The following THAP9 variants were observed in gnomAD, a reference collection of about 807,000 sequenced individuals.
THAP9 encodes the protein THAP domain containing 9.
In THAP9, 20 loss-of-function variants were observed where a neutral mutation model predicts 35.7. That is an observed-to-expected ratio of 0.56 (90% CI 0.39 to 0.81). The LOEUF (loss-of-function observed/expected upper bound fraction) is 0.81, where lower values mean the gene tolerates loss of function less well. THAP9 is among the 40% of genes least tolerant of loss of function. The pLI is 0.00. For missense variants in THAP9, 870 were observed against 1,047.4 expected, an observed-to-expected ratio of 0.83 and a Z score of 2.34; for synonymous variants, 335 against 373.7, an observed-to-expected ratio of 0.90 and a Z score of 1.19.
intron 1 of THAP9, among the ~76,000 whole-genome samples, chr4:82,904,052 C>A (rs1720537196): frequency 7.7e-6 from 1 of 130,492 alleles, no homozygotes; most frequent in Non-Finnish European, 1.6e-5. Flanking sequence ...GGGAATTAGG[C>A]TCCCCCTTTT....
Position 82,919,828 on chromosome 4 carries a change from AC to A in THAP9, c.*906del, listed in dbSNP as rs1254842880. 6.6e-6 allele frequency: 1 copy of A among 152,250 alleles called. No individual in the cohort carries two copies. Among genetic ancestry groups the A allele is most frequent in the East Asian group, 1.9e-4 (1 of 5,208 alleles). The allele number at this position is 152,250 out of a possible 1,614,324, so 9.4% of individuals were successfully genotyped here. A position where few individuals can be genotyped will look rare whatever the true frequency, so the allele number is the denominator to read the frequency against. On this transcript the variant is annotated 3_prime_UTR_variant, in exon 5 of 5. Transcript: ENST00000302236. The stretch of plus-strand genomic sequence containing the variant: ...GATAGAAGAAACAAGCACATTATTC[AC>A]CTGTGTTGTAAAACATCTACTCTTT...
At position 82,905,458 on chromosome 4, in the gene THAP9, C is replaced by A. The variant is rs562736946; in HGVS notation, c.276+527C>A. Among the ~76,000 whole-genome samples, 3 of 152,288 alleles carry A rather than the reference C, an allele frequency of 2.0e-5. No individual in the cohort carries two copies. The South Asian group carries it at 6.2e-4, about 32-fold the overall frequency. ...TTACCCCTTAACCACAACTCTGACA[C>A]ATGGGCTTTCACTTTCTGCACAGTC... is the stretch of plus-strand genomic sequence containing the variant. On this transcript the variant is annotated intron_variant, in intron 2 of 4. Transcript: ENST00000302236.
Position 82,913,740 on chromosome 4 carries a change from T to A in THAP9, c.732-3204T>A, listed in dbSNP as rs190808628. Among the ~76,000 whole-genome samples the A allele has an allele frequency of 1.3e-3, 204 of 152,070 alleles. 5 individuals carry two copies. The East Asian group carries it at 0.033, about 25-fold the overall frequency. Reference sequence around the variant, plus strand: ...GTATAAGTTCTCATCTTTTTTTTTTTATTTTTTGAGACAGAGTTTCGCTCT... The same window carrying A: ...GTATAAGTTCTCATCTTTTTTTTTTAATTTTTTGAGACAGAGTTTCGCTCT... On this transcript the variant is annotated intron_variant, in intron 4 of 4. Transcript: ENST00000302236.
intron 4 of THAP9, among the ~76,000 whole-genome samples, chr4:82,908,815 C>T (rs1339603498): frequency 6.6e-6 from 1 of 152,134 alleles, no homozygotes; most frequent in Non-Finnish European, 1.5e-5. Context: ...AGGCTGATCT[C>T]GAACCCCTGG....
At chr4:82,910,775 G>A (rs1399309042) in intron 4 of THAP9, 1 of 453,958 alleles carries the variant, frequency 2.2e-6, no homozygotes, top group Non-Finnish European at 4.4e-6. Context: ...TTCAAGGAGG[G>A]AGTAGTCCAC....
At chr4:82,902,855 A>G (rs977823163) in intron 1 of THAP9, among the ~76,000 whole-genome samples, 1 of 152,222 alleles carries the variant, frequency 6.6e-6, no homozygotes, top group Non-Finnish European at 1.5e-5. Context: ...TTTTGAATAC[A>G]TTTGTAGCCT....
chr4:82,911,696 A>C (rs1248873866), intron 4 of THAP9, among the ~76,000 whole-genome samples: 3 of 152,180 alleles, frequency 2.0e-5, no homozygotes, highest in African/African-American at 7.2e-5. Flanking sequence ...AACTACAGAC[A>C]TGCACCACCA....
In THAP9 at chr4:82,917,171, A is replaced by G. The variant is rs1442093800; in HGVS notation, c.959A>G (p.Glu320Gly). 16 of 1,613,778 alleles carry G rather than the reference A, an allele frequency of 9.9e-6. No individual in the cohort carries two copies. Among genetic ancestry groups the G allele is most frequent in the Non-Finnish European group, 1.4e-5 (16 of 1,179,892 alleles). The change falls in exon 5 of 5, where the codon GAA becomes GGA. Residue 320 changes from glutamate to glycine, a missense_variant. Glu to Gly is a moderately conservative substitution (Grantham distance 98). This residue lies in a region of THAP9 where 440 missense variants were observed against 501.2 expected (regional missense o/e 0.88). Transcript: ENST00000302236. ...LDADETPLAS[E>G]TVLLMAVGIF... ...GCTGATGAAACGCCACTTGCTTCAG[A>G]AACTGTTTTGTTAATGGCAGTGGGT...
chr4:82,912,377 G>GA (rs1351250895), intron 4 of THAP9, among the ~76,000 whole-genome samples: 2 of 152,140 alleles, frequency 1.3e-5, no homozygotes, highest in Non-Finnish European at 2.9e-5. Flanking sequence ...TGCTGTGAGA[G>GA]AATCAAAAGT....
intron 4 of THAP9, among the ~76,000 whole-genome samples, chr4:82,916,457 G>C (rs1215106766): frequency 6.6e-6 from 1 of 152,204 alleles, no homozygotes; most frequent in East Asian, 1.9e-4. Flanking sequence ...CTGGGCATCA[G>C]GAAAGCCAGG....
At chr4:82,915,407 C>T (rs1240945041) in intron 4 of THAP9, among the ~76,000 whole-genome samples, 1 of 152,092 alleles carries the variant, frequency 6.6e-6, no homozygotes, top group African/African-American at 2.4e-5. Context: ...CAGGTGCGCG[C>T]CACCATGCCC....
chr4:82,904,751 C>T lies in THAP9; in HGVS notation c.96C>T (p.Thr32=). Residue 32 remains threonine (T), a synonymous_variant, in exon 2 of 5, where the codon ACC becomes ACT. Transcript: ENST00000302236. The part of the protein sequence containing the change: ...GLSFHQFPTD[T]IQRSKWIRAV... Reference sequence around the variant, plus strand: ...ATTGTCATAGATTTCCAACTGATACCATACAGCGCTCAAAATGGATCAGGG... The same window carrying T: ...ATTGTCATAGATTTCCAACTGATACTATACAGCGCTCAAAATGGATCAGGG... 1.2e-6 allele frequency: 2 copies of T among 1,613,984 alleles called. No homozygotes were observed. Among genetic ancestry groups the T allele is most frequent in the Non-Finnish European group, 1.7e-6 (2 of 1,179,978 alleles).
At chr4:82,911,566 C>G (rs1463011365) in intron 4 of THAP9, among the ~76,000 whole-genome samples, 1 of 151,942 alleles carries the variant, frequency 6.6e-6, no homozygotes, top group Non-Finnish European at 1.5e-5. Context: ...TGCACTCCAG[C>G]CTGGGTGACA....
intron 2 of THAP9, among the ~76,000 whole-genome samples, chr4:82,905,539 G>A (rs1011680232): frequency 8.5e-4 from 1 of 1,178 alleles, no homozygotes; most frequent in East Asian, 0.1. Context: ...CCTCTTAATC[G>A]TCAGTCTCCT....
intron 4 of THAP9, among the ~76,000 whole-genome samples, chr4:82,914,314 G>A (rs1720969584): frequency 6.6e-6 from 1 of 152,158 alleles, no homozygotes; most frequent in African/African-American, 2.4e-5. Context: ...CTTTATGGTA[G>A]AATAATTTAT....
At chr4:82,900,985 G>C (rs1376044668) in intron 1 of THAP9, 103 bp downstream of exon 1, 3 of 1,348,634 alleles carry the variant, frequency 2.2e-6, no homozygotes, top group Non-Finnish European at 3.1e-6. Flanking sequence ...GTCGCGCCGC[G>C]TGTGTGACGC....
At chr4:82,911,367 G>A (rs1720858366) in intron 4 of THAP9, among the ~76,000 whole-genome samples, 1 of 151,800 alleles carries the variant, frequency 6.6e-6, no homozygotes. Flanking sequence ...TGTGGAGGAC[G>A]GACCACGAGG....
intron 2 of THAP9, chr4:82,905,827 A>C (rs1199390356): frequency 2.2e-6 from 1 of 455,440 alleles, no homozygotes; most frequent in Non-Finnish European, 4.4e-6. Context: ...TTGTATCTTC[A>C]AAAGAATCCT....
chr4:82,906,315 C>T lies in THAP9; in HGVS notation c.277-9C>T, dbSNP rs78492585. 1,243 of 1,540,214 alleles carry T rather than the reference C, an allele frequency of 8.1e-4. 19 individuals are homozygous for T. The East Asian group carries it at 0.025, about 31-fold the overall frequency. On this transcript the variant is annotated splice_polypyrimidine_tract_variant and intron_variant, in intron 2 of 4. Transcript: ENST00000302236. The stretch of plus-strand genomic sequence containing the variant: ...CTAAAATAACTTTAATTTTATATAT[C>T]TGTCATAGATTCCTCAAGGTGTACA...
Sources: gnomAD v4.1 joint callset for allele counts (sites outside exome capture counted in the v4.1 genomes callset) on GRCh38, gnomAD v4.1.1 for gene constraint, gnomAD v4.1.1 regional missense constraint, MANE v1.5 for transcripts, NCBI Gene and HGNC (gene_info 2026-07-23, HGNC 2026-07-21) for gene names.